Variants in SLC9A9 observed in about 807,000 individuals in gnomAD.
SLC9A9 encodes sodium/hydrogen exchanger 9.
Under a neutral mutation model 77.8 loss-of-function variants are expected in SLC9A9, and 62 were observed. The ratio of observed to expected loss-of-function variants is 0.80; its 90% CI spans 0.65 to 0.98. The LOEUF is 0.98. SLC9A9 is among the 50% of genes least tolerant of loss of function. The pLI, the probability that SLC9A9 is intolerant of heterozygous loss-of-function variation, is 0.00. For synonymous variants in SLC9A9, 320 were observed against 283.5 expected (o/e 1.13, Z -1.29); for missense variants, 775 against 774.9 (o/e 1.00, Z 0.00).
At chr3:143,464,688 C>A (rs1396952282) in intron 12 of SLC9A9, among the ~76,000 whole-genome samples, 1 of 152,146 alleles carries the variant, frequency 6.6e-6, no homozygotes, top group East Asian at 1.9e-4. Context: ...GCAACAGAGG[C>A]ATTTCCTGGA....
At chr3:143,681,447 C>A (rs895113852) in intron 5 of SLC9A9, among the ~76,000 whole-genome samples, 1 of 152,126 alleles carries the variant, frequency 6.6e-6, no homozygotes, top group African/African-American at 2.4e-5. Context: ...ACCACTCTCA[C>A]TTTCATGGTA....
At chr3:143,737,432 G>C (rs940357793) in intron 4 of SLC9A9, among the ~76,000 whole-genome samples, 1 of 149,598 alleles carries the variant, frequency 6.7e-6, no homozygotes, top group Non-Finnish European at 1.5e-5. Flanking sequence ...GCTTGATTCA[G>C]AATTCACTCA....
At chr3:143,622,500 A>C (rs1267870255) in intron 6 of SLC9A9, among the ~76,000 whole-genome samples, 2 of 152,238 alleles carry the variant, frequency 1.3e-5, no homozygotes, top group African/African-American at 4.8e-5. Context: ...CCAGAATTTC[A>C]TATCCAGCCA....
chr3:143,375,711 T>TC (rs1199427424), intron 13 of SLC9A9, among the ~76,000 whole-genome samples: 3 of 152,182 alleles, frequency 2.0e-5, no homozygotes, highest in Non-Finnish European at 2.9e-5. Flanking sequence ...TATGAACAAG[T>TC]CCACTATAGA....
Position 143,825,263 on chromosome 3 carries a change from T to C in SLC9A9, c.378+6756A>G, listed in dbSNP as rs576312565. Among the ~76,000 whole-genome samples the C allele has an allele frequency of 1.7e-3, 259 of 152,286 alleles. 1 individual carries two copies. The highest frequency in any genetic ancestry group is 1.2e-3 in the Non-Finnish European group (79 of 68,026). ...TGACTCTCTCTGCTCAAGCGATTCC[T>C]GTTACAGGAAGAGGTTTGCCCCTGG... On this transcript the variant is annotated intron_variant, in intron 2 of 15. Coordinates refer to ENST00000316549, the MANE Select transcript of SLC9A9 (RefSeq NM_173653.4).
At chr3:143,724,426 C>A (rs1191074967) in intron 4 of SLC9A9, among the ~76,000 whole-genome samples, 3 of 152,170 alleles carry the variant, frequency 2.0e-5, no homozygotes, top group Non-Finnish European at 4.4e-5. Flanking sequence ...TCAGGTAGTT[C>A]TTTATAGCAG....
chr3:143,404,414 T>C (rs988316993), intron 12 of SLC9A9, among the ~76,000 whole-genome samples: 2 of 152,000 alleles, frequency 1.3e-5, no homozygotes, highest in African/African-American at 4.8e-5. Context: ...TCAGGTGATC[T>C]GCCTGCCTCA....
intron 5 of SLC9A9, among the ~76,000 whole-genome samples, chr3:143,670,257 C>T (rs1339008841): frequency 1.3e-5 from 2 of 152,210 alleles, no homozygotes; most frequent in Non-Finnish European, 2.9e-5. Context: ...AAACTCCAAA[C>T]TGTAGTCTCC....
chr3:143,516,713 T>G (rs1245297574), intron 9 of SLC9A9, among the ~76,000 whole-genome samples: 2 of 152,172 alleles, frequency 1.3e-5, no homozygotes, highest in Non-Finnish European at 2.9e-5. Context: ...TTGAGAGAGG[T>G]ATATTTATTA....
At chr3:143,719,234 A>G (rs150143312) in intron 4 of SLC9A9, among the ~76,000 whole-genome samples, 7 of 152,306 alleles carry the variant, frequency 4.6e-5, no homozygotes, top group Non-Finnish European at 8.8e-5. Flanking sequence ...ATAGTCTACA[A>G]ACTTTGGGGT....
At chr3:143,580,470 C>G (rs1271085155) in intron 6 of SLC9A9, among the ~76,000 whole-genome samples, 2 of 152,186 alleles carry the variant, frequency 1.3e-5, no homozygotes, top group Non-Finnish European at 2.9e-5. Flanking sequence ...ATTCTGAGCG[C>G]TCCCATCACA....
Position 143,757,640 on chromosome 3 carries a change from A to G in SLC9A9, c.533+37361T>C, listed in dbSNP as rs558702573. Among the ~76,000 whole-genome samples the G allele has an allele frequency of 5.3e-5, 8 of 152,272 alleles. No homozygotes were observed. In the East Asian group the frequency reaches 1.4e-3, roughly 26 times the overall value. On this transcript the variant is annotated intron_variant, in intron 4 of 15. Transcript: ENST00000316549. ...GAAAACTAAAAATGTCGCCTCTTCC[A>G]ACATCTCAAACGTGTGCCTGCCCCA...
chr3:143,706,112 C>T (rs539306678), intron 4 of SLC9A9, among the ~76,000 whole-genome samples: 1 of 152,294 alleles, frequency 6.6e-6, no homozygotes, highest in Admixed American at 6.5e-5. Context: ...TGGGATGGCC[C>T]ATATTCTGAA....
chr3:143,848,366 G>A lies in SLC9A9; in HGVS notation c.-44C>T. The A allele has an allele frequency of 1.2e-6, 2 of 1,612,474 alleles. No homozygotes were observed. The highest frequency in any genetic ancestry group is 1.7e-6 in the Non-Finnish European group (2 of 1,178,870). ...TTCCTTAGATAAAAACCTGGATAAA[G>A]GCTATTTTATCAAGATTTGCCTAAG... On this transcript the variant is annotated 5_prime_UTR_variant, in exon 1 of 16. Coordinates refer to ENST00000316549, the MANE Select transcript of SLC9A9 (RefSeq NM_173653.4).
intron 14 of SLC9A9, among the ~76,000 whole-genome samples, chr3:143,348,246 T>C (rs6767997): frequency 0.048 from 7,244 of 152,240 alleles, 341 homozygotes; most frequent in African/African-American, 0.12. Flanking sequence ...CCACCCGCCT[T>C]GGCCTCCCAA....
At chr3:143,335,023 T>C (rs1341453752) in intron 14 of SLC9A9, among the ~76,000 whole-genome samples, 1 of 151,706 alleles carries the variant, frequency 6.6e-6, no homozygotes, top group Non-Finnish European at 1.5e-5. Flanking sequence ...TGTTCACAGA[T>C]GACATAATCT....
intron 14 of SLC9A9, among the ~76,000 whole-genome samples, chr3:143,295,535 C>T (rs959784810): frequency 6.6e-6 from 1 of 152,130 alleles, no homozygotes; most frequent in African/African-American, 2.4e-5. Flanking sequence ...TTAAATAGTC[C>T]ATGAGGTTAT....
chr3:143,486,804 G>T (rs915133153), intron 11 of SLC9A9, among the ~76,000 whole-genome samples: 1 of 151,834 alleles, frequency 6.6e-6, no homozygotes, highest in Non-Finnish European at 1.5e-5. Context: ...AAGGAATAAA[G>T]GAATTTAAAC....
At chr3:143,818,426 C>A (rs1255415412) in intron 2 of SLC9A9, among the ~76,000 whole-genome samples, 1 of 152,062 alleles carries the variant, frequency 6.6e-6, no homozygotes, top group Non-Finnish European at 1.5e-5. Flanking sequence ...CTTACCTCAG[C>A]CTCCTGAGTA....
Sources: allele counts gnomAD v4.1 joint callset (sites outside exome capture counted in the v4.1 genomes callset), GRCh38; gene constraint gnomAD v4.1.1; transcripts MANE v1.5; gene names NCBI Gene and HGNC (gene_info 2026-07-23, HGNC 2026-07-21).